ERCC3: variants seen among roughly 807,000 people sequenced by gnomAD.
ERCC3 encodes general transcription and DNA repair factor IIH helicase/translocase subunit XPB.
ERCC3 carries 66 observed loss-of-function variants against 94.2 expected under a neutral mutation model. The observed-to-expected ratio is 0.70, with a 90% CI of 0.57 to 0.86. The LOEUF (loss-of-function observed/expected upper bound fraction) is 0.86, where lower values mean the gene tolerates loss of function less well. ERCC3 is among the 40% of genes least tolerant of loss of function. The probability of loss-of-function intolerance (pLI) is 0.00; values close to 1 mark genes in which losing one functional copy is unlikely to be tolerated. For synonymous variants in ERCC3, 349 were observed against 369.1 expected (o/e 0.95, Z 0.63); for missense variants, 829 against 987.1 (o/e 0.84, Z 2.15).
Position 127,257,877 on chromosome 2 carries a change from C to A in ERCC3, c.2218-150G>T. Reference sequence around the variant, plus strand: ...TTTACAGATCGCTTACTGTCTCAGGCATTGTTCTAAGCATTTTACATGCAT... The same window carrying A: ...TTTACAGATCGCTTACTGTCTCAGGAATTGTTCTAAGCATTTTACATGCAT... On this transcript the variant is annotated intron_variant, in intron 14 of 14. Coordinates refer to ENST00000285398, the MANE Select transcript of ERCC3 (RefSeq NM_000122.2). The surrounding 1 kb of genome is among the most constrained non-coding windows in gnomAD (Gnocchi z 5.4). The A allele has an allele frequency of 1.1e-6, 1 of 909,436 alleles. No individual in the cohort carries two copies. 56.3% of individuals were successfully genotyped at this position (909,436 alleles called of 1,614,324 possible). A position where few individuals can be genotyped will look rare whatever the true frequency, so the allele number is the denominator to read the frequency against.
In ERCC3 at chr2:127,288,807, C is replaced by G. The variant is rs754834163; in HGVS notation, c.880G>C (p.Glu294Gln). 6.8e-6 allele frequency: 11 copies of G among 1,614,004 alleles called. No individual in the cohort carries two copies. The highest frequency in any genetic ancestry group is 1.3e-5 in the African/African-American group (1 of 74,914). Residue 294 changes from glutamate (E) to glutamine (Q), a missense_variant, in exon 7 of 15, where the codon GAA becomes CAA. Glu to Gln is a conservative substitution (Grantham distance 29). Coordinates refer to ENST00000285398, the MANE Select transcript of ERCC3 (RefSeq NM_000122.2). ...CIHLEYPLLA[E>Q]YDFRNDSVNP... Reference sequence around the variant, plus strand: ...ACAGAATCATTCCGGAAGTCATATTCTGCCAACAGAGGGTACTCCAGGTGG... The same window carrying G: ...ACAGAATCATTCCGGAAGTCATATTGTGCCAACAGAGGGTACTCCAGGTGG...
At chr2:127,261,157 G>A (rs1043814009) in intron 13 of ERCC3, 71 bp downstream of exon 13, 10 of 891,816 alleles carry the variant, frequency 1.1e-5, no homozygotes, top group Non-Finnish European at 1.9e-5. Context: ...AGTGGCCCTC[G>A]CTTCTCCTGG....
Position 127,286,956 on chromosome 2 carries a change from C to T in ERCC3, c.1089G>A (p.Val363=). 1.9e-6 allele frequency: 3 copies of T among 1,614,120 alleles called. No homozygotes were observed. The highest frequency in any genetic ancestry group is 1.1e-5 in the South Asian group (1 of 91,086). ...AACTVRKRCL[V]LGNSAVSVEQ... ...CCACAGAAACAGCTGAGTTGCCCAGCACCAGACAGCGTTTTCTGACAGTGC... is the reference window on the plus strand; with the variant it reads ...CCACAGAAACAGCTGAGTTGCCCAGTACCAGACAGCGTTTTCTGACAGTGC... Residue 363 remains valine, a synonymous_variant, in exon 8 of 15, where the codon GTG becomes GTA. Transcript: ENST00000285398.
chr2:127,261,066 G>A, intron 13 of ERCC3, 162 bp downstream of exon 13: 1 of 675,088 alleles, frequency 1.5e-6, no homozygotes, highest in South Asian at 1.6e-5. Flanking sequence ...ACCAACAGCT[G>A]CCCTCAGAGA....
At chr2:127,261,081 T>C in intron 13 of ERCC3, 147 bp downstream of exon 13, 5 of 703,006 alleles carry the variant, frequency 7.1e-6, no homozygotes, top group Non-Finnish European at 1.3e-5. Context: ...CAGAGATTCA[T>C]GCAGAGATAA....
In ERCC3 at chr2:127,264,141, T is replaced by TA. The variant is rs1684282434; in HGVS notation, c.1946-2796dup. Among the ~76,000 whole-genome samples, 1 of 152,324 alleles carries TA rather than the reference T, an allele frequency of 6.6e-6. No individual in the cohort carries two copies. Among genetic ancestry groups the TA allele is most frequent in the African/African-American group, 2.4e-5 (1 of 41,576 alleles). On this transcript the variant is annotated intron_variant, in intron 12 of 14. Transcript: ENST00000285398. The surrounding 1 kb of genome is among the most constrained non-coding windows in gnomAD (Gnocchi z 4.4). Reference sequence around the variant, plus strand: ...TTCGATGCCATTTGTTGAGGGTTTTTATCATGAAGGAATGTTGAATTTTAT... The same window carrying TA: ...TTCGATGCCATTTGTTGAGGGTTTTTAATCATGAAGGAATGTTGAATTTTAT...
chr2:127,259,880 A>G lies in ERCC3; in HGVS notation c.2065-432T>C. ...GCTGTGCTCCGCAACTGGGGCTTCC[A>G]GCAGGAATGAGCACGTGAAAATGAA... On this transcript the variant is annotated intron_variant, in intron 13 of 14. Coordinates refer to ENST00000285398, the MANE Select transcript of ERCC3 (RefSeq NM_000122.2). This position sits in a 1 kb window ranked among gnomAD's most constrained non-coding sequence, Gnocchi z 4.9. 7.5e-6 allele frequency: 2 copies of G among 268,412 alleles called. No individual in the cohort carries two copies. The highest frequency in any genetic ancestry group is 9.3e-5 in the East Asian group (1 of 10,790). 16.6% of individuals were successfully genotyped at this position (268,412 alleles called of 1,614,324 possible).
Position 127,271,521 on chromosome 2 carries a change from A to C in ERCC3, c.1828-68T>G, listed in dbSNP as rs1183856492. ...AAAAAGTCAACTGATCCAGAATTTA[A>C]ATAAGTTCTGTAGATAATTTTGAAA... On this transcript the variant is annotated intron_variant, in intron 11 of 14. Transcript: ENST00000285398. This position sits in a 1 kb window ranked among gnomAD's most constrained non-coding sequence, Gnocchi z 5.0. 1.9e-6 allele frequency: 2 copies of C among 1,036,948 alleles called. No homozygotes were observed. Among genetic ancestry groups the C allele is most frequent in the Non-Finnish European group, 3.0e-6 (2 of 655,986 alleles). 64.2% of individuals were successfully genotyped at this position (1,036,948 alleles called of 1,614,324 possible).
chr2:127,288,822 A>G lies in ERCC3; in HGVS notation c.865T>C (p.Tyr289His). The change falls in exon 7 of 15, where the codon TAC (tyrosine) becomes CAC (histidine). Residue 289 changes from tyrosine to histidine, a missense_variant. Transcript: ENST00000285398. ...ELQKRCIHLEYPLLAEYDFRN... is the reference protein window; with the variant it reads ...ELQKRCIHLEHPLLAEYDFRN... ...AAGTCATATTCTGCCAACAGAGGGT[A>G]CTCCAGGTGGATGCAACGTTTCTGG... 6.2e-7 allele frequency: 1 copy of G among 1,614,010 alleles called. No individual in the cohort carries two copies. Among genetic ancestry groups the G allele is most frequent in the South Asian group, 1.1e-5 (1 of 91,078 alleles).
chr2:127,293,972 G>A lies in ERCC3; in HGVS notation c.28+82C>T, dbSNP rs747335808. 5.8e-6 allele frequency: 9 copies of A among 1,565,212 alleles called. No homozygotes were observed. In the South Asian group the frequency reaches 8.0e-5, roughly 14 times the overall value. On this transcript the variant is annotated intron_variant, in intron 1 of 14. Coordinates refer to ENST00000285398, the MANE Select transcript of ERCC3 (RefSeq NM_000122.2). ...GGCCAGCAGGGTCGGCCGGCGCAGA[G>A]GCCCGGAGCAGCTCCGAGGCAGAGC...
In ERCC3 at chr2:127,257,361, T is replaced by A; in HGVS notation, c.*235A>T. 1.7e-6 allele frequency: 1 copy of A among 573,348 alleles called. No individual in the cohort carries two copies. Among genetic ancestry groups the A allele is most frequent in the Non-Finnish European group, 3.2e-6 (1 of 312,420 alleles). 35.5% of individuals were successfully genotyped at this position (573,348 alleles called of 1,614,324 possible). On this transcript the variant is annotated 3_prime_UTR_variant, in exon 15 of 15. Transcript: ENST00000285398. This position sits in a 1 kb window ranked among gnomAD's most constrained non-coding sequence, Gnocchi z 5.4. ...ACACCTTAAATATTAACATTTTTTA[T>A]ATACAGAAATGACCCCACTCCCCAA... is the stretch of plus-strand genomic sequence containing the variant.
At position 127,271,421 on chromosome 2, in the gene ERCC3, T is replaced by C. The variant is rs1573939577; in HGVS notation, c.1860A>G (p.Ala620=). The change falls in exon 12 of 15, where the codon GCA becomes GCG. Residue 620 remains alanine (A), a synonymous_variant. Coordinates refer to ENST00000285398, the MANE Select transcript of ERCC3 (RefSeq NM_000122.2). The surrounding 1 kb of genome is among the most constrained non-coding windows in gnomAD (Gnocchi z 5.0). The part of the protein sequence containing the change: ...VGDTSFDLPE[A]NVLIQISSHG... ...GGGATGAGATCTGAATGAGGACATTTGCTTCCGGCAGATCAAACGAAGTGT... is the reference window on the plus strand; with the variant it reads ...GGGATGAGATCTGAATGAGGACATTCGCTTCCGGCAGATCAAACGAAGTGT... 6.2e-7 allele frequency: 1 copy of C among 1,614,174 alleles called. No individual in the cohort carries two copies. Among genetic ancestry groups the C allele is most frequent in the South Asian group, 1.1e-5 (1 of 91,080 alleles).
At position 127,264,457 on chromosome 2, in the gene ERCC3, ACT is replaced by A. The variant is rs1229468550; in HGVS notation, c.1946-3113_1946-3112del. ...CTCCAGCCTGGGCAACAAGAGCAAG[ACT>A]CTGCCTCAAAAAAACAAAAAACCTT... is the stretch of plus-strand genomic sequence containing the variant. On this transcript the variant is annotated intron_variant, in intron 12 of 14. Transcript: ENST00000285398. This position sits in a 1 kb window ranked among gnomAD's most constrained non-coding sequence, Gnocchi z 4.4. 1.3e-5 allele frequency among the ~76,000 whole-genome samples: 2 copies of A among 152,084 alleles called. No homozygotes were observed. Among genetic ancestry groups the A allele is most frequent in the African/African-American group, 4.8e-5 (2 of 41,390 alleles).
rs1188346709 is a variant in ERCC3 at position 127,264,207 on chromosome 2, T to C, written c.1946-2861A>G. ...GGCTGGGCGCAGTGGCTCACACCTA[T>C]AATCCCAGCACTTTGGGAGGCCAAG... On this transcript the variant is annotated intron_variant, in intron 12 of 14. Coordinates refer to ENST00000285398, the MANE Select transcript of ERCC3 (RefSeq NM_000122.2). The surrounding 1 kb of genome is among the most constrained non-coding windows in gnomAD (Gnocchi z 4.4). Among the ~76,000 whole-genome samples, 2 of 152,232 alleles carry C rather than the reference T, an allele frequency of 1.3e-5. No individual in the cohort carries two copies. The highest frequency in any genetic ancestry group is 4.8e-5 in the African/African-American group (2 of 41,460).
rs942399007 is a variant in ERCC3, at chr2:127,291,657, C to T, written c.471+953G>A. 4.6e-5 allele frequency among the ~76,000 whole-genome samples: 7 copies of T among 152,222 alleles called. No homozygotes were observed. Among genetic ancestry groups the T allele is most frequent in the African/African-American group, 1.7e-4 (7 of 41,460 alleles). ...AGTACCATACTGAATTCCTGTGGCA[C>T]TCTTCTGCCACTCCAGATCCCAAGG... On this transcript the variant is annotated intron_variant, in intron 3 of 14. Transcript: ENST00000285398. This position sits in a 1 kb window ranked among gnomAD's most constrained non-coding sequence, Gnocchi z 4.9.
In ERCC3 at chr2:127,280,676, AT is replaced by A; in HGVS notation, c.1343-46del. ...ATTCACACTGTCACTTTTCTTTCTT[AT>A]TTTTTATTTATTTATTTTAAAATAT... On this transcript the variant is annotated intron_variant, in intron 8 of 14. Transcript: ENST00000285398. The surrounding 1 kb of genome is among the most constrained non-coding windows in gnomAD (Gnocchi z 6.3). 1 of 1,503,130 alleles carries A rather than the reference AT, an allele frequency of 6.7e-7. No individual in the cohort carries two copies. The highest frequency in any genetic ancestry group is 1.2e-5 in the South Asian group (1 of 85,356). The allele number at this position is 1,503,130 out of a possible 1,614,324, so 93.1% of individuals were successfully genotyped here.
At chr2:127,288,071 C>T (rs994387859) in intron 7 of ERCC3, among the ~76,000 whole-genome samples, 1 of 152,160 alleles carries the variant, frequency 6.6e-6, no homozygotes, top group Non-Finnish European at 1.5e-5. Flanking sequence ...CTCTGTAAGT[C>T]CTCAGTGGGG....
rs919066531 is a variant in ERCC3, at chr2:127,277,675, G to A, written c.1730+1498C>T. 7.9e-5 allele frequency among the ~76,000 whole-genome samples: 12 copies of A among 151,842 alleles called. No individual in the cohort carries two copies. The highest frequency in any genetic ancestry group is 1.6e-4 in the Non-Finnish European group (11 of 67,982). On this transcript the variant is annotated intron_variant, in intron 10 of 14. Coordinates refer to ENST00000285398, the MANE Select transcript of ERCC3 (RefSeq NM_000122.2). The surrounding 1 kb of genome is among the most constrained non-coding windows in gnomAD (Gnocchi z 5.1). ...CACTGCACTCCAGCCTGGCAACAGA[G>A]CAAGACTCCGTCTCAAAAAAAAAAG...
Position 127,272,898 on chromosome 2 carries a change from G to A in ERCC3, c.1794C>T (p.His598=). The A allele has an allele frequency of 6.2e-7, 1 of 1,613,704 alleles. No homozygotes were observed. Among genetic ancestry groups the A allele is most frequent in the Non-Finnish European group, 8.5e-7 (1 of 1,179,646 alleles). Residue 598 remains histidine (H), a synonymous_variant, in exon 11 of 15, where the codon CAC becomes CAT. Transcript: ENST00000285398. ...TGAAGATGGTGTTAATTTTGGGGTT[G>A]TGCTTGAAATTCTGGAGAATTTGCA... ...ERMQILQNFK[H]NPKINTIFIS...
Sources: gnomAD v4.1 joint callset for allele counts (sites outside exome capture counted in the v4.1 genomes callset) on GRCh38, gnomAD v4.1.1 for gene constraint, Gnocchi (gnomAD v3.1) non-coding constraint, MANE v1.5 for transcripts, NCBI Gene and HGNC (gene_info 2026-07-23, HGNC 2026-07-21) for gene names.